Variants in MKX observed in about 807,000 individuals in gnomAD.
The protein encoded by MKX is mohawk homeobox, also known as homeobox protein Mohawk.
A neutral mutation model predicts 36.0 loss-of-function variants in MKX; 13 were observed. That is an observed-to-expected ratio of 0.36 (90% CI 0.24 to 0.57). MKX has a LOEUF of 0.57. Among genes scored for constraint, MKX ranks in the 20% least tolerant of loss-of-function variants. MKX has a pLI of 0.79. For missense variants in MKX, 458 were observed against 456.4 expected (o/e 1.00, Z -0.03); for synonymous variants, 176 against 178.3 (o/e 0.99, Z 0.10).
In MKX at chr10:27,741,598, A is replaced by C; in HGVS notation, c.189-94T>G. 7.1e-7 allele frequency: 1 copy of C among 1,400,720 alleles called. No individual in the cohort carries two copies. Among genetic ancestry groups the C allele is most frequent in the Non-Finnish European group, 9.4e-7 (1 of 1,059,862 alleles). The allele number at this position is 1,400,720 out of a possible 1,614,324, so 86.8% of individuals were successfully genotyped here. A position where few individuals can be genotyped will look rare whatever the true frequency, so the allele number is the denominator to read the frequency against. Reference sequence around the variant, plus strand: ...GGCCAAGCCCGGGCCCCGCATCCAAACTGCGCATTCCTGCCTTGCGCCCCT... The same window carrying C: ...GGCCAAGCCCGGGCCCCGCATCCAACCTGCGCATTCCTGCCTTGCGCCCCT... On this transcript the variant is annotated intron_variant, in intron 2 of 6. Transcript: ENST00000419761. The surrounding 1 kb of genome is among the most constrained non-coding windows in gnomAD (Gnocchi z 5.1).
intron 5 of MKX, among the ~76,000 whole-genome samples, chr10:27,712,851 G>A (rs909096172): frequency 1.3e-5 from 2 of 152,114 alleles, no homozygotes; most frequent in Admixed American, 6.5e-5. Flanking sequence ...GTGGGGGGAC[G>A]GCTTGAGCCC....
chr10:27,708,538 T>C (rs867888565), intron 5 of MKX, among the ~76,000 whole-genome samples: 1 of 152,174 alleles, frequency 6.6e-6, no homozygotes, highest in African/African-American at 2.4e-5. Flanking sequence ...GAGACCATTC[T>C]GACCAACATG....
intron 5 of MKX, 102 bp from the exon 6 acceptor site, chr10:27,675,656 A>T: frequency 8.5e-7 from 1 of 1,178,206 alleles, no homozygotes; most frequent in Non-Finnish European, 1.2e-6. Flanking sequence ...TTCTTCAGGA[A>T]ATATGGTTGA....
At chr10:27,723,228 G>T (rs1834418432) in intron 5 of MKX, among the ~76,000 whole-genome samples, 1 of 152,094 alleles carries the variant, frequency 6.6e-6, no homozygotes, top group Admixed American at 6.6e-5. Context: ...AGTTAGATAA[G>T]CTAGAGTCCC....
chr10:27,721,828 T>TGATA (rs1399040984), intron 5 of MKX, among the ~76,000 whole-genome samples: 1 of 152,116 alleles, frequency 6.6e-6, no homozygotes, highest in East Asian at 1.9e-4. Flanking sequence ...TGTTTAAGTT[T>TGATA]GATAGAATAC....
Position 27,685,352 on chromosome 10 carries a change from T to G in MKX, c.839-9798A>C, listed in dbSNP as rs540869105. Reference sequence around the variant, plus strand: ...ACCAGATTTTTTTCTCCTTATGATTTAATATGTAATATCAAGGAATCTGTC... The same window carrying G: ...ACCAGATTTTTTTCTCCTTATGATTGAATATGTAATATCAAGGAATCTGTC... On this transcript the variant is annotated intron_variant, in intron 5 of 6. Coordinates refer to ENST00000419761, the MANE Select transcript of MKX (RefSeq NM_173576.3). Among the ~76,000 whole-genome samples the G allele has an allele frequency of 2.0e-5, 3 of 152,278 alleles. No homozygotes were observed. In the South Asian group the frequency reaches 6.2e-4, roughly 32 times the overall value.
intron 5 of MKX, among the ~76,000 whole-genome samples, chr10:27,682,049 A>T (rs1836263714): frequency 6.6e-6 from 1 of 152,214 alleles, no homozygotes; most frequent in African/African-American, 2.4e-5. Flanking sequence ...AAGACCTTCC[A>T]GTGGGACAAG....
At chr10:27,740,487 G>T (rs994976846) in intron 3 of MKX, among the ~76,000 whole-genome samples, 13 of 152,180 alleles carry the variant, frequency 8.5e-5, no homozygotes, top group African/African-American at 3.1e-4. Flanking sequence ...GTCTTTTACT[G>T]ACACAACTGC....
At chr10:27,699,986 A>G (rs983065296) in intron 5 of MKX, among the ~76,000 whole-genome samples, 1 of 152,228 alleles carries the variant, frequency 6.6e-6, no homozygotes, top group African/African-American at 2.4e-5. Flanking sequence ...CTCTGATTAT[A>G]CAGAGCAGTC....
chr10:27,730,753 C>T (rs1455460648), intron 5 of MKX, among the ~76,000 whole-genome samples: 7 of 151,906 alleles, frequency 4.6e-5, no homozygotes, highest in Middle Eastern at 3.4e-3. Flanking sequence ...TCACCATGCC[C>T]GGCCTCAATT....
At chr10:27,690,262 T>A (rs1836428812) in intron 5 of MKX, among the ~76,000 whole-genome samples, 1 of 137,774 alleles carries the variant, frequency 7.3e-6, no homozygotes, top group Non-Finnish European at 1.6e-5. Context: ...TCCCAGCTAC[T>A]CAGGAGGCTG....
At chr10:27,732,908 T>C (rs1476613852) in intron 5 of MKX, among the ~76,000 whole-genome samples, 1 of 151,430 alleles carries the variant, frequency 6.6e-6, no homozygotes, top group African/African-American at 2.4e-5. Flanking sequence ...CCACCATGCA[T>C]GGGTAATTAA....
At chr10:27,681,483 AGCT>A (rs1360701357) in intron 5 of MKX, among the ~76,000 whole-genome samples, 1 of 152,082 alleles carries the variant, frequency 6.6e-6, no homozygotes, top group Non-Finnish European at 1.5e-5. Context: ...ACACCTACTG[AGCT>A]GCTAAATGTA....
intron 3 of MKX, among the ~76,000 whole-genome samples, chr10:27,739,788 A>G (rs1472882231): frequency 6.6e-6 from 1 of 152,172 alleles, no homozygotes; most frequent in African/African-American, 2.4e-5. Flanking sequence ...CTAGTGTTTC[A>G]TTGCTGACAT....
intron 3 of MKX, among the ~76,000 whole-genome samples, chr10:27,738,295 CA>C (rs1243130645): frequency 6.6e-6 from 1 of 152,024 alleles, no homozygotes; most frequent in African/African-American, 2.4e-5. Flanking sequence ...AGTTAGTTAA[CA>C]AATTTGCATA....
In MKX at chr10:27,744,128, G is replaced by T. The variant is rs1834990697; in HGVS notation, c.-82-631C>A. Among the ~76,000 whole-genome samples the T allele has an allele frequency of 6.6e-6, 1 of 152,110 alleles. No homozygotes were observed. The highest frequency in any genetic ancestry group is 1.5e-5 in the Non-Finnish European group (1 of 68,018). On this transcript the variant is annotated intron_variant, in intron 1 of 6. Coordinates refer to ENST00000419761, the MANE Select transcript of MKX (RefSeq NM_173576.3). The surrounding 1 kb of genome is among the most constrained non-coding windows in gnomAD (Gnocchi z 5.6). Reference sequence around the variant, plus strand: ...CGGGGTGAGGTTGGGTTCAAGGACAGGAAAAAGTTAAGTGGCGTCAGGACG... The same window carrying T: ...CGGGGTGAGGTTGGGTTCAAGGACATGAAAAAGTTAAGTGGCGTCAGGACG...
intron 5 of MKX, among the ~76,000 whole-genome samples, chr10:27,710,535 C>T (rs1000768658): frequency 2.0e-4 from 30 of 152,226 alleles, no homozygotes; most frequent in African/African-American, 7.2e-4. Flanking sequence ...GCAGCATGGG[C>T]AGGGCCAATT....
At chr10:27,693,563 T>C (rs991731024) in intron 5 of MKX, among the ~76,000 whole-genome samples, 1 of 152,118 alleles carries the variant, frequency 6.6e-6, no homozygotes, top group African/African-American at 2.4e-5. Context: ...GAAATTTAAG[T>C]ACAAAAGAAT....
At chr10:27,693,325 A>C (rs1277599390) in intron 5 of MKX, among the ~76,000 whole-genome samples, 1 of 152,178 alleles carries the variant, frequency 6.6e-6, no homozygotes, top group African/African-American at 2.4e-5. Flanking sequence ...CAGAGTTAAG[A>C]AGTGTAATAT....
Sources: allele counts gnomAD v4.1 joint callset (sites outside exome capture counted in the v4.1 genomes callset), GRCh38; gene constraint gnomAD v4.1.1; non-coding constraint Gnocchi (gnomAD v3.1); transcripts MANE v1.5; gene names NCBI Gene and HGNC (gene_info 2026-07-23, HGNC 2026-07-21).